IL1RAPL1: variants seen among roughly 807,000 people sequenced by gnomAD.
The protein encoded by IL1RAPL1 is interleukin-1 receptor accessory protein-like 1.
IL1RAPL1 carries 3 observed loss-of-function variants against 48.4 expected under a neutral mutation model. That is an observed-to-expected ratio of 0.06 (90% CI 0.03 to 0.16). The LOEUF (loss-of-function observed/expected upper bound fraction) is 0.16, where lower values mean the gene tolerates loss of function less well. IL1RAPL1 is among the 10% of genes least tolerant of loss of function. The pLI, the probability that IL1RAPL1 is intolerant of heterozygous loss-of-function variation, is 1.00. For synonymous variants in IL1RAPL1, 185 were observed against 187.7 expected (o/e 0.99, Z 0.12); for missense variants, 349 against 530.6 (o/e 0.66, Z 3.36).
chrX:29,586,512 C>T (rs1923166853), intron 5 of IL1RAPL1, among the ~76,000 whole-genome samples: 1 of 111,670 alleles, frequency 9.0e-6, no homozygotes. Context: ...AGACTGATTT[C>T]ATCGTTTATG....
At chrX:29,553,565 T>C (rs1379563727) in intron 5 of IL1RAPL1, among the ~76,000 whole-genome samples, 2 of 111,773 alleles carry the variant, frequency 1.8e-5, no homozygotes, top group African/African-American at 6.5e-5. Context: ...TTGCTTCCCC[T>C]CTTAGGTGAG....
chrX:29,808,662 T>A (rs775513305), intron 6 of IL1RAPL1, among the ~76,000 whole-genome samples: 3 of 111,798 alleles, frequency 2.7e-5, no homozygotes, highest in Non-Finnish European at 3.8e-5. Context: ...GTGGTTTATT[T>A]GTATATTTCT....
intron 5 of IL1RAPL1, among the ~76,000 whole-genome samples, chrX:29,625,710 G>A (rs972133562): frequency 8.9e-6 from 1 of 111,809 alleles, no homozygotes; most frequent in Non-Finnish European, 1.9e-5. Flanking sequence ...TATAAAAAAT[G>A]TCTTCTAAAA....
intron 6 of IL1RAPL1, among the ~76,000 whole-genome samples, chrX:29,783,196 G>A (rs987703715): frequency 3.6e-5 from 4 of 110,531 alleles, no homozygotes; most frequent in African/African-American, 9.9e-5. Context: ...GAGCCACCGC[G>A]CCCGGCCGAT....
chrX:29,433,008 T>A (rs1257491992), intron 5 of IL1RAPL1, among the ~76,000 whole-genome samples: 1 of 110,199 alleles, frequency 9.1e-6, no homozygotes, highest in Non-Finnish European at 1.9e-5. Flanking sequence ...GGAGCTTTTT[T>A]AGTTATTTTT....
intron 5 of IL1RAPL1, among the ~76,000 whole-genome samples, chrX:29,430,113 CTCTCTCTGTCTG>C (rs1934402079): frequency 1.3e-5 from 1 of 77,229 alleles, no homozygotes; most frequent in Non-Finnish European, 2.7e-5. Flanking sequence ...TGTTTTATGT[CTCTCTCTGTCTG>C]TCTCTCTCTC....
chrX:29,521,359 C>G (rs1008090596), intron 5 of IL1RAPL1, among the ~76,000 whole-genome samples: 1 of 111,871 alleles, frequency 8.9e-6, no homozygotes, highest in Non-Finnish European at 1.9e-5. Flanking sequence ...ATTCCCCCAT[C>G]CCCCTTTCAC....
chrX:29,549,272 ATC>A (rs1183807537), intron 5 of IL1RAPL1, among the ~76,000 whole-genome samples: 12 of 111,359 alleles, frequency 1.1e-4, no homozygotes, highest in African/African-American at 3.3e-4. Context: ...GACATAAATC[ATC>A]TCTCTGTCTA....
At chrX:29,559,430 A>T (rs111979991) in intron 5 of IL1RAPL1, among the ~76,000 whole-genome samples, 26 of 112,095 alleles carry the variant, frequency 2.3e-4, no homozygotes, top group African/African-American at 7.8e-4. Flanking sequence ...GTTTGGTAGA[A>T]TTCCGCAGTG....
intron 1 of IL1RAPL1, among the ~76,000 whole-genome samples, chrX:28,603,663 A>G (rs981509054): frequency 8.9e-6 from 1 of 111,864 alleles, no homozygotes; most frequent in African/African-American, 3.2e-5. Context: ...TTATCAAAGG[A>G]AGGAAAGAAA....
At chrX:29,774,143 C>G (rs1318244207) in intron 6 of IL1RAPL1, among the ~76,000 whole-genome samples, 1 of 109,060 alleles carries the variant, frequency 9.2e-6, no homozygotes. Context: ...CTCCGCCACC[C>G]CCCTCCCCAC....
At chrX:29,766,342 A>AAAAAATATAT (rs1200679211) in intron 6 of IL1RAPL1, among the ~76,000 whole-genome samples, 1 of 47,542 alleles carries the variant, frequency 2.1e-5, no homozygotes, top group African/African-American at 9.0e-5. Context: ...AAAAAAAAAA[A>AAAAAATATAT]ATATATATAT....
intron 5 of IL1RAPL1, among the ~76,000 whole-genome samples, chrX:29,595,571 A>G (rs961952395): frequency 3.6e-5 from 4 of 111,207 alleles, no homozygotes; most frequent in African/African-American, 1.3e-4. Flanking sequence ...TCCTTAGCCC[A>G]CTTTTTGATG....
At chrX:28,906,089 G>A (rs921192668) in intron 2 of IL1RAPL1, among the ~76,000 whole-genome samples, 1 of 111,731 alleles carries the variant, frequency 9.0e-6, no homozygotes, top group Non-Finnish European at 1.9e-5. Flanking sequence ...TTCACGTGGC[G>A]GCAGGAGAGA....
chrX:29,482,171 C>T (rs1275133823), intron 5 of IL1RAPL1, among the ~76,000 whole-genome samples: 1 of 111,871 alleles, frequency 8.9e-6, no homozygotes, highest in African/African-American at 3.3e-5. Context: ...TGGAATATAA[C>T]CTTCAAGGCA....
chrX:28,820,009 T>TATAC (rs1936918803), intron 2 of IL1RAPL1, among the ~76,000 whole-genome samples: 2 of 80,344 alleles, frequency 2.5e-5, no homozygotes, highest in Non-Finnish European at 4.6e-5. Flanking sequence ...TATATATATA[T>TATAC]ATATACATGT....
intron 2 of IL1RAPL1, among the ~76,000 whole-genome samples, chrX:29,047,792 C>G (rs1237745131): frequency 2.8e-5 from 3 of 107,704 alleles, no homozygotes; most frequent in Non-Finnish European, 5.7e-5. Flanking sequence ...GGTGTGATCT[C>G]AGCTCACTGC....
intron 5 of IL1RAPL1, among the ~76,000 whole-genome samples, chrX:29,540,433 C>A (rs774922428): frequency 9.0e-5 from 10 of 111,546 alleles, no homozygotes; most frequent in Middle Eastern, 4.6e-3. Flanking sequence ...AAAAACTATT[C>A]TAAAATGTAT....
chrX:29,594,160 T>C (rs1395632379), intron 5 of IL1RAPL1, among the ~76,000 whole-genome samples: 1 of 112,402 alleles, frequency 8.9e-6, no homozygotes, highest in Admixed American at 9.4e-5. Flanking sequence ...CTGGCTTATC[T>C]TTCTTTTTGT....
Sources: gnomAD v4.1 joint callset for allele counts (sites outside exome capture counted in the v4.1 genomes callset) on GRCh38, gnomAD v4.1.1 for gene constraint, MANE v1.5 for transcripts, NCBI Gene and HGNC (gene_info 2026-07-23, HGNC 2026-07-21) for gene names.